The following PCDH19 variants were observed in gnomAD, a reference collection of about 807,000 sequenced individuals.
The protein encoded by PCDH19 is protocadherin-19.
A neutral mutation model predicts 46.2 loss-of-function variants in PCDH19; 6 were observed. The observed-to-expected ratio is 0.13, with a 90% CI of 0.07 to 0.26. PCDH19 has a LOEUF of 0.26. Among genes scored for constraint, PCDH19 ranks in the 10% least tolerant of loss-of-function variants. PCDH19 has a pLI of 1.00. For missense variants in PCDH19, 740 were observed against 972.3 expected (o/e 0.76, Z 3.18); for synonymous variants, 481 against 415.7 (o/e 1.16, Z -1.91).
chrX:100,381,234 T>C (rs1015137933), intron 3 of PCDH19, among the ~76,000 whole-genome samples: 1 of 112,078 alleles, frequency 8.9e-6, no homozygotes, highest in East Asian at 2.8e-4. Context: ...TGTTCAACAT[T>C]GATAAGAAAA....
At chrX:100,385,020 G>A (rs759831204) in intron 3 of PCDH19, among the ~76,000 whole-genome samples, 1 of 109,947 alleles carries the variant, frequency 9.1e-6, no homozygotes, top group Non-Finnish European at 1.9e-5. Flanking sequence ...TTAGCCAGGC[G>A]TTGTGGTGAG....
intron 5 of PCDH19, among the ~76,000 whole-genome samples, chrX:100,297,992 T>C (rs965998322): frequency 1.8e-5 from 2 of 110,178 alleles, no homozygotes; most frequent in African/African-American, 6.6e-5. Context: ...AAAATACATA[T>C]ATATATCTTA....
intron 4 of PCDH19, among the ~76,000 whole-genome samples, chrX:100,350,158 G>A (rs760322467): frequency 7.8e-4 from 87 of 111,826 alleles, no homozygotes; most frequent in African/African-American, 2.6e-3. Flanking sequence ...AAAACTCATG[G>A]GAAGTTCTAC....
At chrX:100,327,457 T>A (rs959610633) in intron 5 of PCDH19, among the ~76,000 whole-genome samples, 1 of 112,162 alleles carries the variant, frequency 8.9e-6, no homozygotes, top group African/African-American at 3.2e-5. Flanking sequence ...ATGATGTCAA[T>A]CTTGAATATA....
Position 100,407,759 on chromosome X carries a change from T to C in PCDH19, c.839A>G (p.Tyr280Cys). The part of the protein sequence containing the change: ...NGQVVYSFYG[Y>C]VNDRTRELFQ... ...GAGCTCGCGCGTGCGGTCGTTGACGTAGCCATAGAAGGAGTAGACCACCTG... is the reference window on the plus strand; with the variant it reads ...GAGCTCGCGCGTGCGGTCGTTGACGCAGCCATAGAAGGAGTAGACCACCTG... The change falls in exon 1 of 6, where the codon TAC becomes TGC. Residue 280 changes from tyrosine to cysteine, a missense_variant. This residue lies in a region of PCDH19 where 186 missense variants were observed against 319.9 expected (regional missense o/e 0.58). Transcript: ENST00000373034. The C allele has an allele frequency of 8.2e-7, 1 of 1,212,255 alleles. No individual in the cohort carries two copies. Among genetic ancestry groups the C allele is most frequent in the Non-Finnish European group, 1.1e-6 (1 of 895,578 alleles).
intron 5 of PCDH19, among the ~76,000 whole-genome samples, chrX:100,300,007 T>C (rs1379519551): frequency 8.9e-6 from 1 of 112,325 alleles, no homozygotes; most frequent in Non-Finnish European, 1.9e-5. Flanking sequence ...TGTGACATTT[T>C]TGTCTATACA....
At chrX:100,307,793 C>T (rs1389196881) in intron 5 of PCDH19, among the ~76,000 whole-genome samples, 1 of 110,801 alleles carries the variant, frequency 9.0e-6, no homozygotes, top group Admixed American at 9.6e-5. Flanking sequence ...ACCTCTTTTA[C>T]AACAGATGCA....
At chrX:100,329,890 C>T (rs1231988535) in intron 5 of PCDH19, among the ~76,000 whole-genome samples, 1 of 111,590 alleles carries the variant, frequency 9.0e-6, no homozygotes, top group Non-Finnish European at 1.9e-5. Flanking sequence ...CCAGCCTGGG[C>T]GACACAGGGA....
intron 3 of PCDH19, among the ~76,000 whole-genome samples, chrX:100,354,768 C>T (rs1433425815): frequency 1.8e-5 from 2 of 110,942 alleles, no homozygotes; most frequent in African/African-American, 6.6e-5. Flanking sequence ...AATACCTTCT[C>T]TAAGTATGCT....
chrX:100,321,561 A>G (rs1248110072), intron 5 of PCDH19, among the ~76,000 whole-genome samples: 2 of 110,829 alleles, frequency 1.8e-5, no homozygotes, highest in African/African-American at 6.6e-5. Flanking sequence ...GGCCATTTGT[A>G]TATCTTCTTT....
intron 3 of PCDH19, among the ~76,000 whole-genome samples, chrX:100,351,270 G>A (rs1425730394): frequency 8.9e-6 from 1 of 112,530 alleles, no homozygotes; most frequent in Non-Finnish European, 1.9e-5. Flanking sequence ...CCTAAAACAG[G>A]GTGAAGGGCA....
At chrX:100,400,504 C>T (rs1602631035) in intron 3 of PCDH19, among the ~76,000 whole-genome samples, 1 of 112,592 alleles carries the variant, frequency 8.9e-6, no homozygotes, top group East Asian at 2.8e-4. Flanking sequence ...TTCCACTACA[C>T]ACCACTACCT....
chrX:100,314,178 C>T (rs1315582967), intron 5 of PCDH19, among the ~76,000 whole-genome samples: 1 of 111,856 alleles, frequency 8.9e-6, no homozygotes, highest in Non-Finnish European at 1.9e-5. Context: ...TGAAATGAGT[C>T]TAATTCCTTG....
In PCDH19 at chrX:100,407,116, C is replaced by T. The variant is rs1341928277; in HGVS notation, c.1482G>A (p.Pro494=). ...LNGSVSYQIV[P]SQVRDMPVFT... is the part of the protein sequence containing the mutation. ...AGACAGGCATGTCCCGCACCTGCGA[C>T]GGCACGATCTGGTAGGAGACACTGC... Residue 494 remains proline (P), a synonymous_variant, in exon 1 of 6, where the codon CCG becomes CCA. Coordinates refer to ENST00000373034, the MANE Select transcript of PCDH19 (RefSeq NM_001184880.2). 1 of 1,210,450 alleles carries T rather than the reference C, an allele frequency of 8.3e-7. No individual in the cohort carries two copies. Among genetic ancestry groups the T allele is most frequent in the African/African-American group, 1.7e-5 (1 of 57,245 alleles).
Position 100,294,327 on chromosome X carries a change from G to T in PCDH19, c.*1950C>A, listed in dbSNP as rs1225090284. On this transcript the variant is annotated 3_prime_UTR_variant, in exon 6 of 6. Coordinates refer to ENST00000373034, the MANE Select transcript of PCDH19 (RefSeq NM_001184880.2). ...AAATTTGCAGCCACACCAATATTTT[G>T]CATGAGGTAGTATTCAGCACTGAAT... 9.0e-6 allele frequency: 1 copy of T among 111,444 alleles called. No homozygotes were observed. Among genetic ancestry groups the T allele is most frequent in the Non-Finnish European group, 1.9e-5 (1 of 52,993 alleles). The allele number at this position is 111,444 out of a possible 1,213,427, so 9.2% of individuals were successfully genotyped here. A position where few individuals can be genotyped will look rare whatever the true frequency, so the allele number is the denominator to read the frequency against.
chrX:100,379,539 A>G (rs773456739), intron 3 of PCDH19, among the ~76,000 whole-genome samples: 4 of 112,408 alleles, frequency 3.6e-5, no homozygotes, highest in African/African-American at 6.5e-5. Context: ...TACGGTGGCC[A>G]AGTTGAATAA....
chrX:100,319,851 C>A (rs1015894594), intron 5 of PCDH19, among the ~76,000 whole-genome samples: 1 of 111,781 alleles, frequency 8.9e-6, no homozygotes, highest in Non-Finnish European at 1.9e-5. Context: ...GTGTTCTTCA[C>A]TTAGGGGAAA....
intron 3 of PCDH19, among the ~76,000 whole-genome samples, chrX:100,366,483 A>G (rs1433177944): frequency 9.0e-6 from 1 of 111,652 alleles, no homozygotes; most frequent in African/African-American, 3.3e-5. Context: ...TCACTTCCTA[A>G]AAGCATCCAT....
chrX:100,304,090 C>T (rs911188240), intron 5 of PCDH19, among the ~76,000 whole-genome samples: 1 of 112,456 alleles, frequency 8.9e-6, no homozygotes, highest in African/African-American at 3.2e-5. Flanking sequence ...GAAAGCACCA[C>T]CTCCTGGCTG....
Sources: allele counts gnomAD v4.1 joint callset (sites outside exome capture counted in the v4.1 genomes callset), GRCh38; gene constraint gnomAD v4.1.1; regional missense constraint gnomAD v4.1.1; transcripts MANE v1.5; gene names NCBI Gene and HGNC (gene_info 2026-07-23, HGNC 2026-07-21).